The following DPF3 variants were observed in gnomAD, a reference collection of about 807,000 sequenced individuals.
DPF3 encodes the protein zinc finger protein DPF3.
DPF3 carries 18 observed loss-of-function variants against 56.8 expected under a neutral mutation model. The observed-to-expected ratio is 0.32, with a 90% confidence interval of 0.22 to 0.47. DPF3 has a LOEUF of 0.47. Among genes scored for constraint, DPF3 ranks in the 20% least tolerant of loss-of-function variants. The pLI is 1.00. For synonymous variants in DPF3, 188 were observed against 180.2 expected (o/e 1.04, Z -0.35); for missense variants, 403 against 488.8 (o/e 0.82, Z 1.65).
intron 1 of DPF3, among the ~76,000 whole-genome samples, chr14:72,811,521 C>A (rs1883044449): frequency 6.6e-6 from 1 of 152,162 alleles, no homozygotes; most frequent in Non-Finnish European, 1.5e-5. Flanking sequence ...AAATAAATTT[C>A]TGTGAAGTTA....
intron 1 of DPF3, among the ~76,000 whole-genome samples, chr14:72,885,556 A>G (rs1402443714): frequency 3.3e-5 from 5 of 150,858 alleles, no homozygotes; most frequent in Non-Finnish European, 5.9e-5. Context: ...GGTGTACACC[A>G]CCACACCCGG....
At chr14:72,762,795 GAAGT>G (rs1259829167) in intron 2 of DPF3, among the ~76,000 whole-genome samples, 3 of 151,838 alleles carry the variant, frequency 2.0e-5, no homozygotes. Flanking sequence ...TTAAAAGAAA[GAAGT>G]AAGTTTTCTT....
intron 2 of DPF3, among the ~76,000 whole-genome samples, chr14:72,759,484 C>T (rs946562949): frequency 6.8e-5 from 10 of 146,986 alleles, no homozygotes; most frequent in Non-Finnish European, 1.5e-5. Context: ...GCCTGGGCAA[C>T]ATAGTAAGAT....
At chr14:72,758,346 C>A (rs894977714) in intron 2 of DPF3, among the ~76,000 whole-genome samples, 13 of 152,162 alleles carry the variant, frequency 8.5e-5, no homozygotes, top group African/African-American at 3.1e-4. Context: ...AGCTTACAGC[C>A]TTAAGAGAGT....
intron 6 of DPF3, among the ~76,000 whole-genome samples, chr14:72,706,964 T>TA (rs1567206663): frequency 6.6e-6 from 1 of 152,184 alleles, no homozygotes; most frequent in African/African-American, 2.4e-5. Context: ...CTCCTAAAGC[T>TA]ATCCCTACCC....
chr14:72,671,103 T>C (rs1886652841), intron 8 of DPF3: 2 of 1,610,498 alleles, frequency 1.2e-6, no homozygotes, highest in African/African-American at 2.7e-5. Context: ...CAGAGGGGGA[T>C]GGCTAATTGC....
intron 3 of DPF3, among the ~76,000 whole-genome samples, chr14:72,735,885 A>C (rs1023018159): frequency 4.6e-5 from 7 of 152,242 alleles, no homozygotes; most frequent in Admixed American, 1.3e-4. Flanking sequence ...ACACAAAAAA[A>C]CTAGTGTGAT....
Position 72,863,138 on chromosome 14 carries a change from A to G in DPF3, c.32+30919T>C, listed in dbSNP as rs868645230. On this transcript the variant is annotated intron_variant, in intron 1 of 10. Coordinates refer to ENST00000556509, the MANE Select transcript of DPF3 (RefSeq NM_001280542.3). The stretch of plus-strand genomic sequence containing the variant: ...CATATATGTGTGTGTGTGTGTGTGT[A>G]TATATATATGTGTGTGTGTGTGTGT... Among the ~76,000 whole-genome samples the G allele has an allele frequency of 6.6e-3, 728 of 109,782 alleles. 12 individuals carry two copies. The highest frequency in any genetic ancestry group is 0.03 in the African/African-American group (673 of 22,278). 72.0% of individuals were successfully genotyped at this position (109,782 alleles called of 152,430 possible).
chr14:72,760,253 C>G (rs1891012897), intron 2 of DPF3, among the ~76,000 whole-genome samples: 1 of 152,174 alleles, frequency 6.6e-6, no homozygotes, highest in African/African-American at 2.4e-5. Flanking sequence ...GGCACATCAC[C>G]TGAGGTCGGG....
intron 1 of DPF3, among the ~76,000 whole-genome samples, chr14:72,857,964 A>G (rs1367668533): frequency 1.3e-5 from 2 of 152,038 alleles, no homozygotes; most frequent in African/African-American, 4.8e-5. Flanking sequence ...GTGGGTGAGA[A>G]AAGTCACATA....
chr14:72,716,125 G>C (rs1186253283), intron 5 of DPF3, among the ~76,000 whole-genome samples: 1 of 151,866 alleles, frequency 6.6e-6, no homozygotes. Context: ...ACAGCAGACT[G>C]GGGAAGGGGC....
At chr14:72,734,495 C>T (rs1455803911) in intron 3 of DPF3, among the ~76,000 whole-genome samples, 1 of 152,162 alleles carries the variant, frequency 6.6e-6, no homozygotes, top group African/African-American at 2.4e-5. Flanking sequence ...TGTCCTCAGT[C>T]AAAAGAGAAC....
Position 72,723,736 on chromosome 14 carries a change from GAAAAA to G in DPF3, c.430-13_430-9del, listed in dbSNP as rs35285137. The stretch of plus-strand genomic sequence containing the variant: ...ATCATTTTCCAAAACCCTCTGAAAT[GAAAAA>G]AAAAAATAGAAAAGGTGAGAAACGA... On this transcript the variant is annotated splice_polypyrimidine_tract_variant and intron_variant, in intron 4 of 10. Transcript: ENST00000556509. The G allele has an allele frequency of 8.4e-7, 1 of 1,193,246 alleles. No individual in the cohort carries two copies. The highest frequency in any genetic ancestry group is 1.1e-6 in the Non-Finnish European group (1 of 886,214). 73.9% of individuals were successfully genotyped at this position (1,193,246 alleles called of 1,614,324 possible). A position where few individuals can be genotyped will look rare whatever the true frequency, so the allele number is the denominator to read the frequency against.
intron 8 of DPF3, among the ~76,000 whole-genome samples, chr14:72,654,783 C>G (rs980565671): frequency 6.6e-6 from 1 of 152,122 alleles, no homozygotes; most frequent in Non-Finnish European, 1.5e-5. Context: ...CTTGCAGAAC[C>G]TAGCACATTA....
At chr14:72,650,824 G>A (rs1885887672) in intron 8 of DPF3, among the ~76,000 whole-genome samples, 1 of 152,108 alleles carries the variant, frequency 6.6e-6, no homozygotes, top group African/African-American at 2.4e-5. Flanking sequence ...TGTGTGGGTG[G>A]GAGGTATACA....
chr14:72,865,069 A>C (rs1434806973), intron 1 of DPF3, among the ~76,000 whole-genome samples: 1 of 152,310 alleles, frequency 6.6e-6, no homozygotes, highest in East Asian at 1.9e-4. Flanking sequence ...TCAGGATGGA[A>C]GTGTGAGGGA....
chr14:72,751,886 G>C (rs1235127596), intron 3 of DPF3, among the ~76,000 whole-genome samples: 2 of 152,034 alleles, frequency 1.3e-5, no homozygotes, highest in African/African-American at 2.4e-5. Flanking sequence ...GCAGGGGTTG[G>C]GACAACCTTG....
At chr14:72,723,887 G>A in intron 4 of DPF3, 159 bp from the exon 5 acceptor site, 2 of 649,376 alleles carry the variant, frequency 3.1e-6, no homozygotes, top group African/African-American at 3.8e-5. Context: ...ATGCTGTCTG[G>A]AGTTTGAACT....
intron 9 of DPF3, among the ~76,000 whole-genome samples, chr14:72,626,166 T>C (rs1013218932): frequency 6.6e-6 from 1 of 152,202 alleles, no homozygotes; most frequent in African/African-American, 2.4e-5. Context: ...TTTAAGTATT[T>C]ATCTATTTGG....
Sources: gnomAD v4.1 joint callset for allele counts (sites outside exome capture counted in the v4.1 genomes callset) on GRCh38, gnomAD v4.1.1 for gene constraint, MANE v1.5 for transcripts, NCBI Gene and HGNC (gene_info 2026-07-23, HGNC 2026-07-21) for gene names.